The following ABCC1 variants were observed in gnomAD, a reference collection of about 807,000 sequenced individuals.
The protein encoded by ABCC1 is ATP binding cassette subfamily C member 1 (ABCC1 blood group).
A neutral mutation model predicts 172.9 loss-of-function variants in ABCC1; 83 were observed. The observed-to-expected ratio is 0.48, with a 90% CI of 0.40 to 0.58. The LOEUF is 0.58. Ranked by LOEUF, ABCC1 falls within the 20% of genes least tolerant of loss-of-function variation. The pLI, the probability that ABCC1 is intolerant of heterozygous loss-of-function variation, is 0.00. For missense variants in ABCC1, 1,817 were observed against 2,002.7 expected (o/e 0.91, Z 1.77); for synonymous variants, 937 against 825.2 (o/e 1.14, Z -2.32).
At chr16:16,016,158 T>TTC (rs1452397481) in intron 4 of ABCC1, among the ~76,000 whole-genome samples, 2 of 144,828 alleles carry the variant, frequency 1.4e-5, no homozygotes, top group Non-Finnish European at 3.0e-5. Context: ...GGTTTTTTTT[T>TTC]TTTTTTTTTT....
intron 1 of ABCC1, among the ~76,000 whole-genome samples, chr16:15,970,949 C>G (rs2046355801): frequency 6.6e-6 from 1 of 152,176 alleles, no homozygotes; most frequent in African/African-American, 2.4e-5. Context: ...GAACCAATGA[C>G]TAATCACTTC....
Position 16,020,888 on chromosome 16 carries a change from T to A in ABCC1, c.615+4267T>A, listed in dbSNP as rs1269055797. On this transcript the variant is annotated intron_variant, in intron 5 of 30. Coordinates refer to ENST00000399410, the MANE Select transcript of ABCC1 (RefSeq NM_004996.4). ...TTTTACAGACAAACAATCGCAGACA[T>A]AAGTGCCTTGCTCGACCTGAGTAGT... 3.3e-5 allele frequency among the ~76,000 whole-genome samples: 5 copies of A among 152,192 alleles called. No homozygotes were observed. The East Asian group carries it at 9.6e-4, about 29-fold the overall frequency.
chr16:16,078,013 C>G (rs1045343695), intron 15 of ABCC1, among the ~76,000 whole-genome samples: 4 of 152,246 alleles, frequency 2.6e-5, no homozygotes, highest in Admixed American at 2.6e-4. Context: ...CAAAAATTAG[C>G]TGGATGTGGT....
intron 21 of ABCC1, among the ~76,000 whole-genome samples, chr16:16,111,047 C>A (rs1250234465): frequency 6.6e-6 from 1 of 152,076 alleles, no homozygotes; most frequent in African/African-American, 2.4e-5. Flanking sequence ...ATTACAGATG[C>A]CGACCACACA....
intron 26 of ABCC1, 108 bp downstream of exon 26, chr16:16,126,019 C>G (rs1596542858): frequency 1.4e-6 from 1 of 712,328 alleles, no homozygotes; most frequent in Non-Finnish European, 2.3e-6. Flanking sequence ...GGATACCTCA[C>G]CAGGTAGAAG....
intron 10 of ABCC1, among the ~76,000 whole-genome samples, chr16:16,052,380 C>G (rs1285093151): frequency 1.3e-5 from 2 of 151,434 alleles, no homozygotes; most frequent in Non-Finnish European, 2.9e-5. Context: ...ATCACTGATG[C>G]AAATAGCCAC....
intron 14 of ABCC1, chr16:16,076,078 G>A (rs2050552682): frequency 3.9e-6 from 2 of 512,720 alleles, no homozygotes; most frequent in Admixed American, 4.1e-5. Context: ...TCCAGATGGC[G>A]CAACCCCATC....
chr16:16,011,125 C>G (rs1488530608), intron 3 of ABCC1, among the ~76,000 whole-genome samples: 1 of 151,966 alleles, frequency 6.6e-6, no homozygotes, highest in African/African-American at 2.4e-5. Flanking sequence ...CCTAGCTACT[C>G]AAGAGGCTGA....
chr16:16,131,650 C>G, intron 26 of ABCC1, 139 bp from the exon 27 acceptor site: 1 of 895,198 alleles, frequency 1.1e-6, no homozygotes, highest in Middle Eastern at 2.4e-4. Context: ...AATAACATTC[C>G]AGGAAGGGCA....
intron 1 of ABCC1, among the ~76,000 whole-genome samples, chr16:15,989,909 C>T (rs2046820194): frequency 6.6e-6 from 1 of 152,168 alleles, no homozygotes; most frequent in African/African-American, 2.4e-5. Flanking sequence ...CTTGGTCTCA[C>T]TCTGTCACCC....
At position 16,083,474 on chromosome 16, in the gene ABCC1, C is replaced by G. The variant is rs1286731842; in HGVS notation, c.2224C>G (p.Gln742Glu). 2 of 1,613,966 alleles carry G rather than the reference C, an allele frequency of 1.2e-6. No homozygotes were observed. The highest frequency in any genetic ancestry group is 2.7e-5 in the African/African-American group (2 of 75,062). ...LEEPYYRSVIQACALLPDLEI... is the reference protein window; with the variant it reads ...LEEPYYRSVIEACALLPDLEI... Reference sequence around the variant, plus strand: ...GGAACCATATTACAGGTCCGTGATACAGGCCTGTGCCCTCCTCCCAGACCT... The same window carrying G: ...GGAACCATATTACAGGTCCGTGATAGAGGCCTGTGCCCTCCTCCCAGACCT... Residue 742 changes from glutamine (Q) to glutamate (E), a missense_variant, in exon 17 of 31, where the codon CAG (glutamine) becomes GAG (glutamate). Physicochemically the swap from Gln to Glu is conservative, Grantham distance 29. This residue lies in a region of ABCC1 where 1,412 missense variants were observed against 1,600.3 expected (regional missense o/e 0.88). Coordinates refer to ENST00000399410, the MANE Select transcript of ABCC1 (RefSeq NM_004996.4).
At position 16,076,419 on chromosome 16, in the gene ABCC1, C is replaced by T. The variant is rs1227438244; in HGVS notation, c.1988+18C>T. On this transcript the variant is annotated intron_variant, in intron 15 of 30. Transcript: ENST00000399410. The stretch of plus-strand genomic sequence containing the variant: ...CTGAATGGGTAAGCCGGGACGTGGA[C>T]ACACGTGATGGTGTGGAGAGAGCCA... The T allele has an allele frequency of 1.3e-6, 2 of 1,596,186 alleles. No individual in the cohort carries two copies. Among genetic ancestry groups the T allele is most frequent in the Non-Finnish European group, 1.7e-6 (2 of 1,172,224 alleles).
chr16:15,966,955 A>C (rs1025447600), intron 1 of ABCC1, among the ~76,000 whole-genome samples: 1 of 152,128 alleles, frequency 6.6e-6, no homozygotes, highest in Non-Finnish European at 1.5e-5. Context: ...TGCTGGGATT[A>C]CAGGTGGGCA....
At chr16:16,027,434 A>G (rs1037539597) in intron 5 of ABCC1, among the ~76,000 whole-genome samples, 2 of 152,190 alleles carry the variant, frequency 1.3e-5, no homozygotes, top group African/African-American at 2.4e-5. Context: ...TATATAAAGC[A>G]TCTGGTATAG....
At chr16:15,979,418 G>A (rs2046569683) in intron 1 of ABCC1, among the ~76,000 whole-genome samples, 1 of 152,164 alleles carries the variant, frequency 6.6e-6, no homozygotes. Context: ...TTCTTTTGAG[G>A]AGGGTGTTAG....
chr16:15,998,788 C>T (rs1281894767), intron 1 of ABCC1, among the ~76,000 whole-genome samples: 1 of 152,100 alleles, frequency 6.6e-6, no homozygotes, highest in Non-Finnish European at 1.5e-5. Flanking sequence ...TACTTTCTTG[C>T]TTGAAAGGAC....
At chr16:16,082,672 C>T (rs982347752) in intron 16 of ABCC1, among the ~76,000 whole-genome samples, 1 of 152,196 alleles carries the variant, frequency 6.6e-6, no homozygotes, top group Non-Finnish European at 1.5e-5. Flanking sequence ...GAGACAGGAT[C>T]TTGCTCTGTG....
intron 1 of ABCC1, among the ~76,000 whole-genome samples, chr16:16,002,402 A>G (rs1434029912): frequency 6.6e-6 from 1 of 152,222 alleles, no homozygotes; most frequent in Non-Finnish European, 1.5e-5. Flanking sequence ...AGGGAATGGA[A>G]TGAGAAGACT....
intron 1 of ABCC1, among the ~76,000 whole-genome samples, chr16:15,962,247 A>T: frequency 6.6e-6 from 1 of 152,204 alleles, no homozygotes; most frequent in South Asian, 2.1e-4. Flanking sequence ...TTTTTAAAAG[A>T]TGTGTTTAAA....
Sources: allele counts gnomAD v4.1 joint callset (sites outside exome capture counted in the v4.1 genomes callset), GRCh38; gene constraint gnomAD v4.1.1; regional missense constraint gnomAD v4.1.1; transcripts MANE v1.5; gene names NCBI Gene and HGNC (gene_info 2026-07-23, HGNC 2026-07-21).